The following EFCAB3 variants were observed in gnomAD, a reference collection of about 807,000 sequenced individuals.
EFCAB3 encodes EF-hand calcium binding domain 3.
Under a neutral mutation model 42.2 loss-of-function variants are expected in EFCAB3, and 36 were observed. The observed-to-expected ratio is 0.85, with a 90% CI of 0.65 to 1.13. EFCAB3 has a LOEUF of 1.13. Among genes scored for constraint, EFCAB3 ranks in the 50% most tolerant of loss-of-function variants. The probability of loss-of-function intolerance (pLI) is 0.00; values close to 1 mark genes in which losing one functional copy is unlikely to be tolerated. For missense variants in EFCAB3, 418 were observed against 505.1 expected, an observed-to-expected ratio of 0.83 and a Z score of 1.65; for synonymous variants, 170 against 172.8, an observed-to-expected ratio of 0.98 and a Z score of 0.13.
chr17:62,415,969 G>A, intron 9 of EFCAB3, 34 bp from the exon 10 acceptor site: 2 of 1,525,220 alleles, frequency 1.3e-6, no homozygotes, highest in Non-Finnish European at 1.8e-6. Context: ...CTACTTTAAG[G>A]TAACTACAAT....
At chr17:62,371,160 T>A (rs1972605) in intron 1 of EFCAB3, among the ~76,000 whole-genome samples, 6 of 151,724 alleles carry the variant, frequency 4.0e-5, no homozygotes, top group Non-Finnish European at 7.4e-5. Flanking sequence ...AGATTCTGCC[T>A]TCCTAACAAG....
intron 8 of EFCAB3, among the ~76,000 whole-genome samples, chr17:62,409,117 G>T (rs1413848356): frequency 6.6e-6 from 1 of 152,110 alleles, no homozygotes; most frequent in Non-Finnish European, 1.5e-5. Context: ...GAATACAGTG[G>T]CGTGATCTTG....
At chr17:62,408,362 G>A (rs12450901) in intron 8 of EFCAB3, among the ~76,000 whole-genome samples, 29,780 of 152,114 alleles carry the variant, frequency 0.2, 3,684 homozygotes, top group Middle Eastern at 0.28. Flanking sequence ...TGGTCCCCTT[G>A]CTTCTACTAT....
intron 6 of EFCAB3, among the ~76,000 whole-genome samples, chr17:62,398,944 C>T (rs573538363): frequency 6.6e-6 from 1 of 152,154 alleles, no homozygotes; most frequent in South Asian, 2.1e-4. Context: ...AAATGCAAAG[C>T]TCTGAGCAAG....
chr17:62,379,417 CAAA>C (rs34114907), upstream of EFCAB3, among the ~76,000 whole-genome samples: 29 of 99,464 alleles, frequency 2.9e-4, no homozygotes, highest in East Asian at 1.2e-3. Context: ...GAGACCTCAC[CAAA>C]AAAAAAAAAA....
chr17:62,397,622 A>T (rs371454958), intron 6 of EFCAB3: 10 of 605,560 alleles, frequency 1.7e-5, no homozygotes, highest in Admixed American at 2.0e-5. Context: ...GTGTGCCAGC[A>T]TCCAGCTGAT....
rs566695786 is a variant in EFCAB3 at position 62,381,996 on chromosome 17, G to T, written c.-17-967G>T. On this transcript the variant is annotated intron_variant, in intron 1 of 9. Coordinates refer to ENST00000305286, the MANE Select transcript of EFCAB3 (RefSeq NM_173503.4). ...TCCAAAGAGTCAGACGATGACATGG[G>T]ATTTGGTCTCTTTTATTAAATTCCT... is the stretch of plus-strand genomic sequence containing the variant. 1.5e-4 allele frequency: 39 copies of T among 252,600 alleles called. 1 individual carries two copies. The highest frequency in any genetic ancestry group is 8.8e-4 in the African/African-American group (38 of 43,310). 15.6% of individuals were successfully genotyped at this position (252,600 alleles called of 1,614,324 possible).
chr17:62,408,316 T>A (rs1252674736), intron 8 of EFCAB3, among the ~76,000 whole-genome samples: 1 of 151,916 alleles, frequency 6.6e-6, no homozygotes, highest in Non-Finnish European at 1.5e-5. Flanking sequence ...TTGTCTCTAA[T>A]AATCTCAGCA....
upstream of EFCAB3, among the ~76,000 whole-genome samples, chr17:62,379,552 G>C (rs892328377): frequency 2.6e-5 from 4 of 152,068 alleles, no homozygotes; most frequent in Admixed American, 2.6e-4. Flanking sequence ...GGGAGGCAGT[G>C]TACCAAGCTT....
chr17:62,408,029 C>A (rs530464970), intron 8 of EFCAB3, among the ~76,000 whole-genome samples: 1 of 152,146 alleles, frequency 6.6e-6, no homozygotes, highest in Non-Finnish European at 1.5e-5. Context: ...CACCCACAGG[C>A]AAATATCATT....
chr17:62,386,218 C>G (rs1598008818), intron 2 of EFCAB3, among the ~76,000 whole-genome samples: 1 of 151,908 alleles, frequency 6.6e-6, no homozygotes, highest in East Asian at 1.9e-4. Context: ...ATATTATAAG[C>G]AAACTCAGTT....
Position 62,406,462 on chromosome 17 carries a change from T to C in EFCAB3, c.489-18T>C. ...ATGTCTCTTTGTATCCATTTCTGAA[T>C]TACTTTTTTTTTTAAAGCTATTTCC... On this transcript the variant is annotated intron_variant, in intron 6 of 9. Transcript: ENST00000305286. 1 of 1,559,962 alleles carries C rather than the reference T, an allele frequency of 6.4e-7. No individual in the cohort carries two copies. Among genetic ancestry groups the C allele is most frequent in the Non-Finnish European group, 8.7e-7 (1 of 1,152,848 alleles).
Position 62,383,014 on chromosome 17 carries a change from T to G in EFCAB3, c.35T>G (p.Leu12Arg), listed in dbSNP as rs1343114563. The part of the protein sequence containing the change: ...AVSEIKPKLK[L>R]NPLTKVPISH... The stretch of plus-strand genomic sequence containing the variant: ...TCAGAAATTAAACCAAAACTTAAGC[T>G]GAATCCTCTAACAAAAGTACCCATC... The change falls in exon 2 of 10, where the codon CTG (leucine) becomes CGG (arginine). Residue 12 changes from leucine to arginine, a missense_variant. By Grantham distance (102) the Leu-to-Arg change is moderately radical. Transcript: ENST00000305286. The G allele has an allele frequency of 6.2e-7, 1 of 1,613,802 alleles. No individual in the cohort carries two copies. The highest frequency in any genetic ancestry group is 1.1e-5 in the South Asian group (1 of 90,950).
chr17:62,390,960 T>C (rs1476052188), intron 3 of EFCAB3, among the ~76,000 whole-genome samples: 4 of 152,240 alleles, frequency 2.6e-5, no homozygotes, highest in Admixed American at 6.5e-5. Context: ...TGACTATTTC[T>C]TTGAAAAACT....
chr17:62,382,215 T>A (rs1262658052), intron 1 of EFCAB3, among the ~76,000 whole-genome samples: 1 of 152,214 alleles, frequency 6.6e-6, no homozygotes, highest in Non-Finnish European at 1.5e-5. Context: ...CAATTATGAC[T>A]TGAAATGCTC....
intron 6 of EFCAB3, among the ~76,000 whole-genome samples, chr17:62,403,898 C>T (rs1324304484): frequency 6.6e-6 from 1 of 152,206 alleles, no homozygotes; most frequent in Non-Finnish European, 1.5e-5. Flanking sequence ...GATCCACCCC[C>T]ATCAGCCTCC....
intron 6 of EFCAB3, among the ~76,000 whole-genome samples, chr17:62,403,583 C>T (rs962342351): frequency 9.2e-5 from 14 of 152,224 alleles, no homozygotes; most frequent in African/African-American, 1.4e-4. Flanking sequence ...TCTAACTTAA[C>T]GTGACATTTC....
Position 62,407,615 on chromosome 17 carries a change from G to T in EFCAB3, c.867+403G>T, listed in dbSNP as rs933722920. On this transcript the variant is annotated intron_variant, in intron 8 of 9. Coordinates refer to ENST00000305286, the MANE Select transcript of EFCAB3 (RefSeq NM_173503.4). ...CAAAGGGGCAGTGCTGTGATGGAGG[G>T]GCCATCCTGCCCTCGACTAGATCCC... Among the ~76,000 whole-genome samples the T allele has an allele frequency of 3.9e-5, 6 of 152,108 alleles. No individual in the cohort carries two copies. The East Asian group carries it at 1.2e-3, about 29-fold the overall frequency.
At chr17:62,386,478 A>AG (rs1202507951) in intron 2 of EFCAB3, among the ~76,000 whole-genome samples, 2 of 152,152 alleles carry the variant, frequency 1.3e-5, no homozygotes, top group African/African-American at 4.8e-5. Flanking sequence ...AAAAAAAAAA[A>AG]AGTTGTAAAA....
Sources: gnomAD v4.1 joint callset for allele counts (sites outside exome capture counted in the v4.1 genomes callset) on GRCh38, gnomAD v4.1.1 for gene constraint, MANE v1.5 for transcripts, NCBI Gene and HGNC (gene_info 2026-07-23, HGNC 2026-07-21) for gene names.